CTTNBP2NL: variants seen among roughly 807,000 people sequenced by gnomAD.
CTTNBP2NL encodes the protein CTTNBP2 N-terminal like, also known as CTTNBP2 N-terminal-like protein.
Under a neutral mutation model 32.5 loss-of-function variants are expected in CTTNBP2NL, and 16 were observed. The ratio of observed to expected loss-of-function variants is 0.49; its 90% CI spans 0.33 to 0.75. The LOEUF (loss-of-function observed/expected upper bound fraction) is 0.75, where lower values mean the gene tolerates loss of function less well. Ranked by LOEUF, CTTNBP2NL falls within the 30% of genes least tolerant of loss-of-function variation. CTTNBP2NL has a pLI of 0.02. For missense variants in CTTNBP2NL, 645 were observed against 756.0 expected (o/e 0.85, Z 1.72); for synonymous variants, 298 against 289.4 (o/e 1.03, Z -0.30).
chr1:112,434,789 C>A (rs1213654151), intron 3 of CTTNBP2NL, among the ~76,000 whole-genome samples: 1 of 152,088 alleles, frequency 6.6e-6, no homozygotes, highest in Non-Finnish European at 1.5e-5. Context: ...TTGAACTGTT[C>A]CCTTGTTTGG....
At position 112,399,170 on chromosome 1, in the gene CTTNBP2NL, T is replaced by A. The variant is rs182535570; in HGVS notation, c.-134+2898T>A. On this transcript the variant is annotated intron_variant, in intron 1 of 5. Coordinates refer to ENST00000271277, the MANE Select transcript of CTTNBP2NL (RefSeq NM_018704.3). Reference sequence around the variant, plus strand: ...CCGTCTTTATCAAAAATGTAAAAAATTAGCTGGATGTGGTGGCATGCACCT... The same window carrying A: ...CCGTCTTTATCAAAAATGTAAAAAAATAGCTGGATGTGGTGGCATGCACCT... 9.8e-3 allele frequency among the ~76,000 whole-genome samples: 1,484 copies of A among 151,826 alleles called. 36 individuals are homozygous for A. Among genetic ancestry groups the A allele is most frequent in the African/African-American group, 0.034 (1,401 of 41,396 alleles).
At chr1:112,409,127 C>CAAA (rs36002206) in intron 1 of CTTNBP2NL, among the ~76,000 whole-genome samples, 13,636 of 79,802 alleles carry the variant, frequency 0.17, 1,041 homozygotes, top group Non-Finnish European at 0.21. Flanking sequence ...GACTCTGTCT[C>CAAA]AAAAAAAAAA....
chr1:112,405,986 C>A (rs1014904542), intron 1 of CTTNBP2NL, among the ~76,000 whole-genome samples: 1 of 150,168 alleles, frequency 6.7e-6, no homozygotes, highest in Non-Finnish European at 1.5e-5. Context: ...GGGTTCGAGA[C>A]CAGCCTGACC....
chr1:112,448,174 TGAAAGAGACAG>T, intron 3 of CTTNBP2NL, among the ~76,000 whole-genome samples: 1 of 152,240 alleles, frequency 6.6e-6, no homozygotes, highest in African/African-American at 2.4e-5. Context: ...CATCAAGCCT[TGAAAGAGACAG>T]AAAAGAGAAT....
At chr1:112,453,063 C>T (rs137950602) in intron 4 of CTTNBP2NL, among the ~76,000 whole-genome samples, 1,957 of 149,520 alleles carry the variant, frequency 0.013, 17 homozygotes, top group Middle Eastern at 0.034. Context: ...TGCAGTGAGC[C>T]GAGATGATGC....
intron 3 of CTTNBP2NL, among the ~76,000 whole-genome samples, chr1:112,437,521 T>G (rs1478744928): frequency 6.6e-6 from 1 of 152,128 alleles, no homozygotes; most frequent in Non-Finnish European, 1.5e-5. Flanking sequence ...TCCTTTGTTT[T>G]TTTTTGTTTG....
At position 112,460,752 on chromosome 1, in the gene CTTNBP2NL, C is replaced by A. The variant is rs1650527892; in HGVS notation, c.*3340C>A. 6.6e-6 allele frequency: 1 copy of A among 152,174 alleles called. No individual in the cohort carries two copies. The highest frequency in any genetic ancestry group is 1.5e-5 in the Non-Finnish European group (1 of 68,036). 9.4% of individuals were successfully genotyped at this position (152,174 alleles called of 1,614,324 possible). On this transcript the variant is annotated 3_prime_UTR_variant, in exon 6 of 6. Coordinates refer to ENST00000271277, the MANE Select transcript of CTTNBP2NL (RefSeq NM_018704.3). Reference sequence around the variant, plus strand: ...GAAGCACTTGAAAATCCTTTGATGTCTAAAAAATGTTCAAATAGTGTGGAT... The same window carrying A: ...GAAGCACTTGAAAATCCTTTGATGTATAAAAAATGTTCAAATAGTGTGGAT...
At chr1:112,426,687 A>G (rs748454709) in intron 3 of CTTNBP2NL, among the ~76,000 whole-genome samples, 1 of 140,024 alleles carries the variant, frequency 7.1e-6, no homozygotes, top group South Asian at 2.2e-4. Flanking sequence ...GCTCACTGCT[A>G]CCTCTGCCTC....
rs550323994 is a variant in CTTNBP2NL at position 112,417,060 on chromosome 1, G to A, written c.99+796G>A. On this transcript the variant is annotated intron_variant, in intron 3 of 5. Transcript: ENST00000271277. ...CACTTCTTTGCCCCATTTATCATCTGTCTCAATCCCTTCATAATTAGGATA... is the reference window on the plus strand; with the variant it reads ...CACTTCTTTGCCCCATTTATCATCTATCTCAATCCCTTCATAATTAGGATA... Among the ~76,000 whole-genome samples the A allele has an allele frequency of 2.4e-3, 372 of 152,190 alleles. 2 individuals are homozygous for A. The highest frequency in any genetic ancestry group is 8.4e-3 in the African/African-American group (349 of 41,518).
intron 3 of CTTNBP2NL, among the ~76,000 whole-genome samples, chr1:112,426,001 G>GTGTGTC (rs1553224983): frequency 1.4e-4 from 10 of 72,574 alleles, no homozygotes; most frequent in Admixed American, 1.3e-3. Context: ...GTGTGTGTGT[G>GTGTGTC]TGTCTGTCTG....
intron 3 of CTTNBP2NL, among the ~76,000 whole-genome samples, chr1:112,429,402 C>T (rs1234986741): frequency 6.6e-6 from 1 of 152,214 alleles, no homozygotes; most frequent in East Asian, 1.9e-4. Context: ...GTCCCAGCTA[C>T]TTGGGAGGCT....
chr1:112,432,108 C>A (rs1161979617), intron 3 of CTTNBP2NL, among the ~76,000 whole-genome samples: 1 of 116,696 alleles, frequency 8.6e-6, no homozygotes. Context: ...GAGTCTCACT[C>A]TTTCACCCAG....
rs1340270578 is a variant in CTTNBP2NL, at chr1:112,460,445, T to C, written c.*3033T>C. The C allele has an allele frequency of 1.3e-5, 2 of 151,966 alleles. No homozygotes were observed. Among genetic ancestry groups the C allele is most frequent in the African/African-American group, 4.9e-5 (2 of 41,218 alleles). 9.4% of individuals were successfully genotyped at this position (151,966 alleles called of 1,614,324 possible). ...GAGCTGGAAAAAGCCTTTACAATAA[T>C]CCAGTCTGTGATTTTTTAAACCTTT... is the stretch of plus-strand genomic sequence containing the variant. On this transcript the variant is annotated 3_prime_UTR_variant, in exon 6 of 6. Transcript: ENST00000271277.
At chr1:112,451,713 T>G (rs1477816696) in intron 4 of CTTNBP2NL, among the ~76,000 whole-genome samples, 2 of 145,288 alleles carry the variant, frequency 1.4e-5, no homozygotes, top group Non-Finnish European at 3.0e-5. Flanking sequence ...GAGGTTGCAG[T>G]GAGCTGAGAT....
chr1:112,414,064 T>TAAAAAG (rs564876105), intron 2 of CTTNBP2NL, among the ~76,000 whole-genome samples: 1 of 148,182 alleles, frequency 6.7e-6, no homozygotes, highest in African/African-American at 2.5e-5. Context: ...AATAAATAAA[T>TAAAAAG]AAAAAGAAAA....
intron 3 of CTTNBP2NL, among the ~76,000 whole-genome samples, chr1:112,425,197 G>A (rs6680402): frequency 0.51 from 76,918 of 151,842 alleles, 22,196 homozygotes; most frequent in South Asian, 0.7. Flanking sequence ...TTGGCCAGGT[G>A]CGGTGGCTTA....
chr1:112,416,746 C>T (rs1190779895), intron 3 of CTTNBP2NL, among the ~76,000 whole-genome samples: 2 of 152,106 alleles, frequency 1.3e-5, no homozygotes, highest in African/African-American at 2.4e-5. Context: ...CCCCGCTTAG[C>T]CTCCCAAAGT....
intron 1 of CTTNBP2NL, among the ~76,000 whole-genome samples, chr1:112,399,486 T>C (rs1648431668): frequency 6.6e-6 from 1 of 152,198 alleles, no homozygotes; most frequent in South Asian, 2.1e-4. Flanking sequence ...AGTGTAATTA[T>C]ACAGGCTGAT....
At chr1:112,438,508 A>G (rs1649803725) in intron 3 of CTTNBP2NL, among the ~76,000 whole-genome samples, 1 of 152,124 alleles carries the variant, frequency 6.6e-6, no homozygotes, top group Non-Finnish European at 1.5e-5. Context: ...GAATCATGTC[A>G]TCTGCAAACA....
Sources: allele counts gnomAD v4.1 joint callset (sites outside exome capture counted in the v4.1 genomes callset), GRCh38; gene constraint gnomAD v4.1.1; transcripts MANE v1.5; gene names NCBI Gene and HGNC (gene_info 2026-07-23, HGNC 2026-07-21).